WWC2: variants seen among roughly 807,000 people sequenced by gnomAD.
The protein encoded by WWC2 is protein WWC2.
Under a neutral mutation model 138.5 loss-of-function variants are expected in WWC2, and 101 were observed. The observed-to-expected ratio is 0.73, with a 90% CI of 0.62 to 0.86. The LOEUF (loss-of-function observed/expected upper bound fraction) is 0.86, where lower values mean the gene tolerates loss of function less well. Among genes scored for constraint, WWC2 ranks in the 40% least tolerant of loss-of-function variants. The pLI is 0.00. For missense variants in WWC2, 1,420 were observed against 1,419.4 expected, an observed-to-expected ratio of 1.00 and a Z score of -0.01; for synonymous variants, 558 against 538.4, an observed-to-expected ratio of 1.04 and a Z score of -0.50.
At chr4:183,285,906 A>G in intron 19 of WWC2, 61 bp from the exon 20 acceptor site, 1 of 1,477,494 alleles carries the variant, frequency 6.8e-7, no homozygotes, top group East Asian at 2.5e-5. Context: ...CTCAATCCCA[A>G]ACTTCCACTT....
intron 20 of WWC2, among the ~76,000 whole-genome samples, chr4:183,286,623 C>T (rs1228105830): frequency 6.6e-6 from 1 of 152,116 alleles, no homozygotes; most frequent in Non-Finnish European, 1.5e-5. Context: ...TTGGTCTGTT[C>T]AAGTAGTTCA....
chr4:183,253,396 G>A (rs971840586), intron 8 of WWC2, among the ~76,000 whole-genome samples: 1 of 152,138 alleles, frequency 6.6e-6, no homozygotes, highest in Non-Finnish European at 1.5e-5. Context: ...CATCTTTCCT[G>A]TCACCTACAC....
At chr4:183,226,095 CTTTTTTTTTTT>C (rs11321151) in intron 4 of WWC2, among the ~76,000 whole-genome samples, 1 of 113,532 alleles carries the variant, frequency 8.8e-6, no homozygotes, top group South Asian at 2.5e-4. Context: ...CTTTTCTTTT[CTTTTTTTTTTT>C]TTTTTTTTGA....
At chr4:183,121,124 G>A (rs2152890124) in intron 1 of WWC2, among the ~76,000 whole-genome samples, 1 of 152,050 alleles carries the variant, frequency 6.6e-6, no homozygotes, top group African/African-American at 2.4e-5. Context: ...AGGCTGAGGT[G>A]GGAAGTCAAG....
At chr4:183,250,105 C>T (rs543257806) in intron 8 of WWC2, 112 bp downstream of exon 8, 7 of 970,938 alleles carry the variant, frequency 7.2e-6, no homozygotes, top group South Asian at 5.1e-5. Flanking sequence ...CTTACCAAGG[C>T]CACCCTTCGG....
In WWC2 at chr4:183,315,849, TGAAGAA is replaced by T. The variant is rs1407674125; in HGVS notation, c.*121_*126del. ...TTTTGGTAACGTAACTGTCAACTCT[TGAAGAA>T]CTTTTATTTCACATCAGATTTTCAA... On this transcript the variant is annotated 3_prime_UTR_variant, in exon 23 of 23. Transcript: ENST00000403733. The T allele has an allele frequency of 1.5e-6, 1 of 673,938 alleles. No individual in the cohort carries two copies. Among genetic ancestry groups the T allele is most frequent in the Non-Finnish European group, 2.5e-6 (1 of 406,434 alleles). 41.7% of individuals were successfully genotyped at this position (673,938 alleles called of 1,614,324 possible).
rs1193670243 is a variant in WWC2, at chr4:183,247,623, CTATATACTATATATACTA to C, written c.733-1077_733-1060del. Among the ~76,000 whole-genome samples the C allele has an allele frequency of 1.1e-3, 136 of 126,980 alleles. 1 individual carries two copies. The highest frequency in any genetic ancestry group is 4.0e-3 in the African/African-American group (121 of 30,466). 83.3% of individuals were successfully genotyped at this position (126,980 alleles called of 152,430 possible). ...ATATATGCTATATATACTATATATA[CTATATACTATATATACTA>C]TATATACTATATACTATATATACTA... is the stretch of plus-strand genomic sequence containing the variant. On this transcript the variant is annotated intron_variant, in intron 6 of 22. Transcript: ENST00000403733.
chr4:183,236,336 G>GC (rs2111300657), intron 4 of WWC2, among the ~76,000 whole-genome samples: 1 of 152,224 alleles, frequency 6.6e-6, no homozygotes, highest in Non-Finnish European at 1.5e-5. Context: ...GAATCGGGCG[G>GC]CCCCCAGAAT....
chr4:183,310,148 T>C (rs937193100), intron 21 of WWC2, among the ~76,000 whole-genome samples: 4 of 152,202 alleles, frequency 2.6e-5, no homozygotes, highest in Admixed American at 1.3e-4. Context: ...CATTATACTT[T>C]TGCCAAAACC....
At chr4:183,210,262 C>T (rs907322351) in intron 4 of WWC2, among the ~76,000 whole-genome samples, 4 of 151,858 alleles carry the variant, frequency 2.6e-5, no homozygotes, top group Middle Eastern at 3.2e-3. Context: ...ACAGTGGTTA[C>T]CGTGGACCTC....
chr4:183,109,390 A>G (rs1369619306), intron 1 of WWC2, among the ~76,000 whole-genome samples: 2 of 152,200 alleles, frequency 1.3e-5, no homozygotes, highest in Non-Finnish European at 2.9e-5. Context: ...TGATCATTGC[A>G]CATTCTTTTA....
chr4:183,274,452 T>C (rs961279430), intron 16 of WWC2, among the ~76,000 whole-genome samples: 1 of 152,216 alleles, frequency 6.6e-6, no homozygotes, highest in Non-Finnish European at 1.5e-5. Flanking sequence ...TTTTTCTTTT[T>C]TATTTTTATG....
intron 1 of WWC2, among the ~76,000 whole-genome samples, chr4:183,151,459 A>T (rs534348165): frequency 6.6e-6 from 1 of 152,180 alleles, no homozygotes; most frequent in Non-Finnish European, 1.5e-5. Context: ...AGATGGGTAG[A>T]TTGCAAAAAT....
rs749537095 is a variant in WWC2, at chr4:183,117,336, T to G, written c.131+17714T>G. Among the ~76,000 whole-genome samples, 129 of 147,552 alleles carry G rather than the reference T, an allele frequency of 8.7e-4. 2 individuals are homozygous for G. Among genetic ancestry groups the G allele is most frequent in the Non-Finnish European group, 2.5e-4 (17 of 67,122 alleles). On this transcript the variant is annotated intron_variant, in intron 1 of 22. Transcript: ENST00000403733. ...CCTGGGTTTAAGCGATTCTCCTGCC[T>G]CAGCCTCCTGGGTAGCTGAGATTAC... is the stretch of plus-strand genomic sequence containing the variant.
intron 7 of WWC2, among the ~76,000 whole-genome samples, chr4:183,249,218 A>G (rs983918741): frequency 8.5e-5 from 13 of 152,220 alleles, no homozygotes; most frequent in Non-Finnish European, 1.6e-4. Context: ...AGAAACAGAA[A>G]AACATGCCTT....
chr4:183,286,832 G>A (rs532058968), intron 20 of WWC2, among the ~76,000 whole-genome samples: 4 of 152,216 alleles, frequency 2.6e-5, no homozygotes, highest in South Asian at 2.1e-4. Flanking sequence ...CAACTGTGCC[G>A]GGTATGACAG....
intron 1 of WWC2, among the ~76,000 whole-genome samples, chr4:183,172,556 G>GTTTTTTTT (rs61599876): frequency 1.1e-4 from 13 of 113,044 alleles, no homozygotes; most frequent in Admixed American, 3.6e-4. Context: ...TATGTTTCTT[G>GTTTTTTTT]TTTTTTTTTT....
intron 20 of WWC2, among the ~76,000 whole-genome samples, chr4:183,286,398 G>A (rs1044062055): frequency 1.3e-5 from 2 of 152,170 alleles, no homozygotes; most frequent in East Asian, 1.9e-4. Flanking sequence ...CAGGTCTTGA[G>A]CGATTGTGGG....
intron 14 of WWC2, 128 bp from the exon 15 acceptor site, chr4:183,268,843 A>G (rs1737596379): frequency 1.9e-6 from 2 of 1,054,404 alleles, no homozygotes; most frequent in Non-Finnish European, 1.4e-6. Flanking sequence ...GATGGCAGCA[A>G]CACTTTAGAT....
Sources: allele counts gnomAD v4.1 joint callset (sites outside exome capture counted in the v4.1 genomes callset), GRCh38; gene constraint gnomAD v4.1.1; transcripts MANE v1.5; gene names NCBI Gene and HGNC (gene_info 2026-07-23, HGNC 2026-07-21).